The following OXR1 variants were observed in gnomAD, a reference collection of about 807,000 sequenced individuals.
OXR1 encodes oxidation resistance protein 1.
OXR1 carries 41 observed loss-of-function variants against 104.6 expected under a neutral mutation model. The ratio of observed to expected loss-of-function variants is 0.39; its 90% CI spans 0.31 to 0.51. The LOEUF (loss-of-function observed/expected upper bound fraction) is 0.51, where lower values mean the gene tolerates loss of function less well. Ranked by LOEUF, OXR1 falls within the 20% of genes least tolerant of loss-of-function variation. The probability of loss-of-function intolerance (pLI) is 0.77; values close to 1 mark genes in which losing one functional copy is unlikely to be tolerated. For missense variants in OXR1, 955 were observed against 1,031.9 expected (o/e 0.93, Z 1.02); for synonymous variants, 348 against 348.4 (o/e 1.00, Z 0.01).
chr8:106,581,693 G>T (rs894244728), intron 3 of OXR1, among the ~76,000 whole-genome samples: 5 of 151,890 alleles, frequency 3.3e-5, no homozygotes, highest in African/African-American at 1.2e-4. Context: ...ACCATATTGA[G>T]ATTCTTAAAA....
At chr8:106,584,809 C>A (rs1302644553) in intron 3 of OXR1, among the ~76,000 whole-genome samples, 1 of 152,032 alleles carries the variant, frequency 6.6e-6, no homozygotes, top group Non-Finnish European at 1.5e-5. Context: ...GAAGGGAATC[C>A]TGCACAGGGT....
At position 106,752,515 on chromosome 8, in the gene OXR1, T is replaced by G. The variant is rs1396102060; in HGVS notation, c.*1574T>G. 3 of 152,526 alleles carry G rather than the reference T, an allele frequency of 2.0e-5. No homozygotes were observed. Among genetic ancestry groups the G allele is most frequent in the Non-Finnish European group, 4.4e-5 (3 of 67,940 alleles). 9.4% of individuals were successfully genotyped at this position (152,526 alleles called of 1,614,324 possible). On this transcript the variant is annotated 3_prime_UTR_variant, in exon 17 of 17. Transcript: ENST00000517566. The stretch of plus-strand genomic sequence containing the variant: ...AGTTAGTAACAATATATAGATTAAA[T>G]GTTTACAATATAGGGAATTGTAAAT...
intron 9 of OXR1, among the ~76,000 whole-genome samples, chr8:106,708,956 C>T (rs1046756093): frequency 1.3e-5 from 2 of 151,842 alleles, no homozygotes; most frequent in African/African-American, 4.8e-5. Flanking sequence ...GTTGAGATAT[C>T]CTGAAGACCT....
intron 1 of OXR1, among the ~76,000 whole-genome samples, chr8:106,283,635 C>G (rs1812376977): frequency 6.6e-6 from 1 of 152,144 alleles, no homozygotes; most frequent in Non-Finnish European, 1.5e-5. Flanking sequence ...AGGGCCTCCC[C>G]CTGAGGAGTA....
intron 3 of OXR1, among the ~76,000 whole-genome samples, chr8:106,642,558 G>A (rs1232011383): frequency 6.6e-6 from 1 of 152,124 alleles, no homozygotes; most frequent in African/African-American, 2.4e-5. Context: ...GGACTCTCTG[G>A]CCAGGCCTGG....
chr8:106,287,656 C>CAA (rs11312139), intron 1 of OXR1, among the ~76,000 whole-genome samples: 153 of 146,588 alleles, frequency 1.0e-3, no homozygotes, highest in South Asian at 5.7e-3. Flanking sequence ...CATCCCATTT[C>CAA]AAAAAAAAAA....
chr8:106,294,374 C>T (rs28495016), intron 1 of OXR1, among the ~76,000 whole-genome samples: 29,756 of 127,898 alleles, frequency 0.23, 4,823 homozygotes, highest in African/African-American at 0.49. Flanking sequence ...CCAACTTGGG[C>T]GACAGGGCAA....
intron 3 of OXR1, among the ~76,000 whole-genome samples, chr8:106,614,845 CTCAT>C (rs1821087735): frequency 6.6e-6 from 1 of 152,134 alleles, no homozygotes; most frequent in Non-Finnish European, 1.5e-5. Context: ...TTATAACTCT[CTCAT>C]TCATATTCAG....
intron 7 of OXR1, chr8:106,697,529 A>C: frequency 6.2e-7 from 1 of 1,611,210 alleles, no homozygotes; most frequent in Non-Finnish European, 8.5e-7. Context: ...TTATCCGAGA[A>C]GTTCCGAGGA....
intron 2 of OXR1, among the ~76,000 whole-genome samples, chr8:106,481,897 A>G (rs1822141679): frequency 6.6e-6 from 1 of 152,028 alleles, no homozygotes; most frequent in African/African-American, 2.4e-5. Context: ...TAATTTTCCT[A>G]TATACTTATA....
At chr8:106,683,396 A>G (rs1828374662) in intron 5 of OXR1, 90 bp downstream of exon 5, 1 of 548,352 alleles carries the variant, frequency 1.8e-6, no homozygotes, top group Non-Finnish European at 3.2e-6. Flanking sequence ...TAATATAGAA[A>G]ATTTGAGAAT....
intron 8 of OXR1, among the ~76,000 whole-genome samples, chr8:106,705,366 T>G (rs1214219756): frequency 6.6e-6 from 1 of 152,146 alleles, no homozygotes; most frequent in Non-Finnish European, 1.5e-5. Flanking sequence ...CAAAAATTTA[T>G]CCATCCTAGT....
intron 2 of OXR1, among the ~76,000 whole-genome samples, chr8:106,472,334 A>T (rs1821559540): frequency 6.6e-6 from 1 of 151,802 alleles, no homozygotes; most frequent in Non-Finnish European, 1.5e-5. Flanking sequence ...GTTTAAATCT[A>T]CTGAGGATTT....
At chr8:106,640,580 A>G (rs1270298479) in intron 3 of OXR1, among the ~76,000 whole-genome samples, 1 of 152,052 alleles carries the variant, frequency 6.6e-6, no homozygotes, top group Non-Finnish European at 1.5e-5. Flanking sequence ...TCTCTTTAAT[A>G]ATAATAGAAT....
chr8:106,433,634 A>C (rs28523747), intron 2 of OXR1, among the ~76,000 whole-genome samples: 34,378 of 152,076 alleles, frequency 0.23, 5,405 homozygotes, highest in African/African-American at 0.42. Flanking sequence ...AGCAAGGTAG[A>C]GTCAATTAGG....
chr8:106,535,462 A>G (rs1418558858), intron 3 of OXR1, among the ~76,000 whole-genome samples: 1 of 152,166 alleles, frequency 6.6e-6, no homozygotes, highest in African/African-American at 2.4e-5. Flanking sequence ...CTAAGTTTTT[A>G]CAGTCCTTTG....
intron 1 of OXR1, among the ~76,000 whole-genome samples, chr8:106,289,879 G>C (rs1037609730): frequency 1.3e-5 from 2 of 152,146 alleles, no homozygotes; most frequent in African/African-American, 4.8e-5. Flanking sequence ...GTGAGTGAGT[G>C]AGTTCCACCA....
intron 1 of OXR1, among the ~76,000 whole-genome samples, chr8:106,354,696 A>G (rs1815887653): frequency 6.6e-6 from 1 of 152,118 alleles, no homozygotes; most frequent in Non-Finnish European, 1.5e-5. Context: ...GAAAACCTAT[A>G]TTTATTATGT....
At chr8:106,530,838 A>C (rs1421056589) in intron 3 of OXR1, among the ~76,000 whole-genome samples, 1 of 152,190 alleles carries the variant, frequency 6.6e-6, no homozygotes, top group Non-Finnish European at 1.5e-5. Context: ...ATATGAAAAA[A>C]AAATCTATGT....
Sources: allele counts gnomAD v4.1 joint callset (sites outside exome capture counted in the v4.1 genomes callset), GRCh38; gene constraint gnomAD v4.1.1; transcripts MANE v1.5; gene names NCBI Gene and HGNC (gene_info 2026-07-23, HGNC 2026-07-21).